The following ATP2B2 variants were observed in gnomAD, a reference collection of about 807,000 sequenced individuals.
The protein encoded by ATP2B2 is plasma membrane calcium-transporting ATPase 2.
In ATP2B2, 15 loss-of-function variants were observed where a neutral mutation model predicts 120.0. That is an observed-to-expected ratio of 0.12 (90% CI 0.08 to 0.19). The LOEUF is 0.19. Among genes scored for constraint, ATP2B2 ranks in the 10% least tolerant of loss-of-function variants. The pLI, the probability that ATP2B2 is intolerant of heterozygous loss-of-function variation, is 1.00. For synonymous variants in ATP2B2, 694 were observed against 700.3 expected, an observed-to-expected ratio of 0.99 and a Z score of 0.14; for missense variants, 1,045 against 1,719.8, an observed-to-expected ratio of 0.61 and a Z score of 6.94.
chr3:10,341,744 C>T (rs2060284533), intron 19 of ATP2B2, among the ~76,000 whole-genome samples: 1 of 152,168 alleles, frequency 6.6e-6, no homozygotes, highest in Non-Finnish European at 1.5e-5. Context: ...CGACCAGGAC[C>T]CCCGCTCTCC....
At chr3:10,548,645 A>G (rs571976742) in intron 2 of ATP2B2, among the ~76,000 whole-genome samples, 10 of 152,328 alleles carry the variant, frequency 6.6e-5, no homozygotes, top group Non-Finnish European at 8.8e-5. Flanking sequence ...AACTTGCTTG[A>G]TAACACCTTG....
At position 10,633,264 on chromosome 3, in the gene ATP2B2, T is replaced by C. The variant is rs973882228; in HGVS notation, c.-459-13303A>G. On this transcript the variant is annotated intron_variant, in intron 1 of 21. Coordinates refer to the ATP2B2 transcript ENST00000646379. ...AAATGAGTTAACACATATGAGTGCTTCCATGAATGCTATTTCTCCCACCCT... is the reference window on the plus strand; with the variant it reads ...AAATGAGTTAACACATATGAGTGCTCCCATGAATGCTATTTCTCCCACCCT... 2.0e-5 allele frequency among the ~76,000 whole-genome samples: 3 copies of C among 152,126 alleles called. No individual in the cohort carries two copies. The East Asian group carries it at 5.8e-4, about 29-fold the overall frequency.
intron 6 of ATP2B2, 180 bp downstream of exon 6, chr3:10,388,097 A>G: frequency 1.2e-6 from 1 of 813,592 alleles, no homozygotes; most frequent in African/African-American, 1.7e-5. Context: ...CAAGACCTGG[A>G]GATGGAACAG....
intron 2 of ATP2B2, among the ~76,000 whole-genome samples, chr3:10,551,771 G>T (rs1454751251): frequency 1.3e-5 from 2 of 152,106 alleles, no homozygotes; most frequent in Non-Finnish European, 2.9e-5. Context: ...GCCAGTAAAG[G>T]GGAGTCACAT....
At chr3:10,687,570 A>G (rs1238033524) in intron 1 of ATP2B2, among the ~76,000 whole-genome samples, 5 of 152,192 alleles carry the variant, frequency 3.3e-5, no homozygotes, top group Non-Finnish European at 7.3e-5. Flanking sequence ...AAATAAAAAG[A>G]GCCATTGGAC....
At chr3:10,663,635 G>C (rs944135120) in intron 1 of ATP2B2, among the ~76,000 whole-genome samples, 2 of 152,140 alleles carry the variant, frequency 1.3e-5, no homozygotes, top group Non-Finnish European at 2.9e-5. Context: ...ACCCTCTGGG[G>C]GCCTGCTAGA....
At chr3:10,420,115 C>T (rs562802119) in intron 2 of ATP2B2, among the ~76,000 whole-genome samples, 9 of 152,300 alleles carry the variant, frequency 5.9e-5, no homozygotes, top group African/African-American at 1.7e-4. Context: ...AGTGTGCAGA[C>T]GCGGGCACAC....
intron 2 of ATP2B2, among the ~76,000 whole-genome samples, chr3:10,443,975 C>G (rs1486363126): frequency 6.6e-6 from 1 of 152,186 alleles, no homozygotes; most frequent in Admixed American, 6.5e-5. Flanking sequence ...GCTGGGACAC[C>G]TCACCAGTCA....
intron 1 of ATP2B2, among the ~76,000 whole-genome samples, chr3:10,678,337 G>A (rs1317237072): frequency 3.9e-5 from 6 of 152,178 alleles, no homozygotes; most frequent in Admixed American, 3.9e-4. Flanking sequence ...GCATGAAGCT[G>A]GTATTCCCTG....
intron 22 of ATP2B2, among the ~76,000 whole-genome samples, chr3:10,331,594 C>T (rs576192634): frequency 6.6e-6 from 1 of 152,150 alleles, no homozygotes; most frequent in South Asian, 2.1e-4. Context: ...TTGGGACACC[C>T]CGCCACGGCC....
At chr3:10,624,146 A>G (rs769876559) in intron 1 of ATP2B2, among the ~76,000 whole-genome samples, 2 of 152,122 alleles carry the variant, frequency 1.3e-5, no homozygotes, top group Non-Finnish European at 2.9e-5. Context: ...TTGACCCAGT[A>G]TTTCCCATAT....
chr3:10,546,217 A>T (rs1331981746), intron 2 of ATP2B2, among the ~76,000 whole-genome samples: 1 of 152,054 alleles, frequency 6.6e-6, no homozygotes, highest in African/African-American at 2.4e-5. Context: ...CAGCCTCCCC[A>T]ACTGCCCCCT....
chr3:10,330,685 C>T (rs1261277523), intron 22 of ATP2B2, among the ~76,000 whole-genome samples: 1 of 152,208 alleles, frequency 6.6e-6, no homozygotes, highest in Non-Finnish European at 1.5e-5. Flanking sequence ...GTGGGGAGGC[C>T]CCTGAAGTCC....
intron 1 of ATP2B2, among the ~76,000 whole-genome samples, chr3:10,700,435 C>T (rs987981101): frequency 2.6e-5 from 4 of 152,104 alleles, no homozygotes; most frequent in Non-Finnish European, 5.9e-5. Flanking sequence ...AACAAGTGTC[C>T]CATTTCAAAG....
intron 8 of ATP2B2, among the ~76,000 whole-genome samples, chr3:10,383,788 G>A (rs769887976): frequency 2.0e-5 from 3 of 152,182 alleles, no homozygotes; most frequent in Admixed American, 6.5e-5. Context: ...AGAAATGAAC[G>A]TTTCCTACAG....
chr3:10,610,809 GTC>G (rs1279604839), intron 2 of ATP2B2, among the ~76,000 whole-genome samples: 9 of 152,156 alleles, frequency 5.9e-5, no homozygotes, highest in African/African-American at 1.9e-4. Flanking sequence ...CCTTAGGCTG[GTC>G]TCTCTGGGTC....
At chr3:10,461,178 A>C (rs1036875356) in intron 1 of ATP2B2, among the ~76,000 whole-genome samples, 1 of 152,232 alleles carries the variant, frequency 6.6e-6, no homozygotes, top group Non-Finnish European at 1.5e-5. Context: ...GCGTATGTGC[A>C]TGGGTGGAAG....
At chr3:10,564,167 GAA>G (rs1419574035) in intron 2 of ATP2B2, among the ~76,000 whole-genome samples, 3 of 152,332 alleles carry the variant, frequency 2.0e-5, no homozygotes, top group African/African-American at 4.8e-5. Context: ...CTGTCTGTCA[GAA>G]AAAGACTCAT....
At chr3:10,588,501 T>G (rs373189745) in intron 2 of ATP2B2, among the ~76,000 whole-genome samples, 1 of 152,194 alleles carries the variant, frequency 6.6e-6, no homozygotes, top group African/African-American at 2.4e-5. Flanking sequence ...GGCCGGGCAC[T>G]GAGGCCATAC....
Sources: allele counts gnomAD v4.1 joint callset (sites outside exome capture counted in the v4.1 genomes callset), GRCh38; gene constraint gnomAD v4.1.1; transcripts MANE v1.5; gene names NCBI Gene and HGNC (gene_info 2026-07-23, HGNC 2026-07-21).